Variants in HS3ST2 observed in about 807,000 individuals in gnomAD.
HS3ST2 encodes heparan sulfate glucosamine 3-O-sulfotransferase 2.
Under a neutral mutation model 26.3 loss-of-function variants are expected in HS3ST2, and 17 were observed. The ratio of observed to expected loss-of-function variants is 0.65; its 90% CI spans 0.44 to 0.97. The LOEUF is 0.97. Among genes scored for constraint, HS3ST2 ranks in the 50% least tolerant of loss-of-function variants. The probability of loss-of-function intolerance (pLI) is 0.00; values close to 1 mark genes in which losing one functional copy is unlikely to be tolerated. For missense variants in HS3ST2, 402 were observed against 501.2 expected (o/e 0.80, Z 1.89); for synonymous variants, 237 against 219.2 (o/e 1.08, Z -0.72).
chr16:22,857,344 C>A (rs1024414048), intron 1 of HS3ST2, among the ~76,000 whole-genome samples: 5 of 152,122 alleles, frequency 3.3e-5, no homozygotes, highest in African/African-American at 9.7e-5. Flanking sequence ...AAGCTAGAGG[C>A]CTTTTGATTA....
At chr16:22,907,080 C>T (rs1192039286) in intron 1 of HS3ST2, among the ~76,000 whole-genome samples, 4 of 152,040 alleles carry the variant, frequency 2.6e-5, no homozygotes, top group South Asian at 2.1e-4. Context: ...TTTGGAAATG[C>T]GAGTAGGCAT....
At chr16:22,893,460 G>T (rs1226949905) in intron 1 of HS3ST2, among the ~76,000 whole-genome samples, 2 of 152,056 alleles carry the variant, frequency 1.3e-5, no homozygotes, top group African/African-American at 4.8e-5. Flanking sequence ...AAGATTATCA[G>T]CTTTTGTCCT....
chr16:22,861,230 T>C (rs1394674774), intron 1 of HS3ST2, among the ~76,000 whole-genome samples: 4 of 152,054 alleles, frequency 2.6e-5, no homozygotes, highest in Non-Finnish European at 4.4e-5. Flanking sequence ...ATATATAACG[T>C]TCTTTTCTGG....
chr16:22,852,806 A>G (rs1443916478), intron 1 of HS3ST2, among the ~76,000 whole-genome samples: 1 of 152,204 alleles, frequency 6.6e-6, no homozygotes, highest in Non-Finnish European at 1.5e-5. Context: ...TTCACCAAGG[A>G]ACCGAATTCA....
In HS3ST2 at chr16:22,839,175, G is replaced by A. The variant is rs147824073; in HGVS notation, c.485+24080G>A. ...AGTTTCTGTGCCTAGAAAAGTGCTC[G>A]GCACATAAAAAGATTGATAAATATT... On this transcript the variant is annotated intron_variant, in intron 1 of 1. Transcript: ENST00000261374. 6.8e-4 allele frequency among the ~76,000 whole-genome samples: 104 copies of A among 152,242 alleles called. No individual in the cohort carries two copies. In the East Asian group the frequency reaches 0.018, roughly 27 times the overall value.
At chr16:22,888,283 A>G (rs1450977505) in intron 1 of HS3ST2, among the ~76,000 whole-genome samples, 3 of 151,996 alleles carry the variant, frequency 2.0e-5, no homozygotes, top group East Asian at 1.9e-4. Flanking sequence ...ATTCAAGCCT[A>G]ACTGATCTGT....
At chr16:22,883,337 G>A (rs1169749537) in intron 1 of HS3ST2, among the ~76,000 whole-genome samples, 4 of 152,226 alleles carry the variant, frequency 2.6e-5, no homozygotes, top group Admixed American at 1.3e-4. Flanking sequence ...AAAAATTGGA[G>A]AGGCCAGAAT....
At chr16:22,905,446 T>C (rs1405809109) in intron 1 of HS3ST2, among the ~76,000 whole-genome samples, 1 of 151,944 alleles carries the variant, frequency 6.6e-6, no homozygotes, top group East Asian at 1.9e-4. Flanking sequence ...TTCTCTTTTT[T>C]TGGAAGGGGC....
At chr16:22,893,663 T>A (rs959093093) in intron 1 of HS3ST2, among the ~76,000 whole-genome samples, 2 of 151,298 alleles carry the variant, frequency 1.3e-5, no homozygotes, top group African/African-American at 4.8e-5. Flanking sequence ...TTTTTTGTTT[T>A]ACTTTAAGTT....
At chr16:22,861,677 T>A (rs1423681914) in intron 1 of HS3ST2, among the ~76,000 whole-genome samples, 1 of 152,172 alleles carries the variant, frequency 6.6e-6, no homozygotes, top group Non-Finnish European at 1.5e-5. Flanking sequence ...CTAGAAGTCA[T>A]GGGTCAAGGG....
intron 1 of HS3ST2, among the ~76,000 whole-genome samples, chr16:22,890,712 A>G (rs1474743226): frequency 1.3e-5 from 2 of 152,202 alleles, no homozygotes; most frequent in African/African-American, 4.8e-5. Flanking sequence ...TAAATAGCTT[A>G]CCCGTGATTA....
chr16:22,839,613 T>A (rs1341314467), intron 1 of HS3ST2, among the ~76,000 whole-genome samples: 4 of 151,762 alleles, frequency 2.6e-5, no homozygotes, highest in African/African-American at 9.7e-5. Context: ...CAGGATATTG[T>A]ATGCTTTTTT....
intron 1 of HS3ST2, among the ~76,000 whole-genome samples, chr16:22,835,239 C>G (rs1901238537): frequency 6.6e-6 from 1 of 151,660 alleles, no homozygotes; most frequent in Admixed American, 6.6e-5. Context: ...GTGGAGCCTT[C>G]TTTATTCCCC....
At chr16:22,884,091 A>T (rs1227168158) in intron 1 of HS3ST2, among the ~76,000 whole-genome samples, 1 of 152,246 alleles carries the variant, frequency 6.6e-6, no homozygotes, top group Non-Finnish European at 1.5e-5. Flanking sequence ...GGGTCAAGAA[A>T]GGCATTGAGC....
intron 1 of HS3ST2, among the ~76,000 whole-genome samples, chr16:22,826,357 C>T (rs563716447): frequency 6.6e-6 from 1 of 152,210 alleles, no homozygotes; most frequent in South Asian, 2.1e-4. Context: ...TCAGGTCTGG[C>T]TACTTCTCAT....
chr16:22,896,999 C>T (rs1291040073), intron 1 of HS3ST2, among the ~76,000 whole-genome samples: 4 of 151,972 alleles, frequency 2.6e-5, no homozygotes, highest in Non-Finnish European at 5.9e-5. Context: ...TGTAGGGACA[C>T]GGTTTCACCA....
intron 1 of HS3ST2, among the ~76,000 whole-genome samples, chr16:22,878,703 G>A (rs1187990832): frequency 6.6e-6 from 1 of 152,192 alleles, no homozygotes. Flanking sequence ...GGGGTACCGA[G>A]GGAAGGGTGT....
At chr16:22,885,879 G>T (rs957360871) in intron 1 of HS3ST2, among the ~76,000 whole-genome samples, 2 of 152,122 alleles carry the variant, frequency 1.3e-5, no homozygotes. Flanking sequence ...AAAATGCCTG[G>T]AGTCAGAGAT....
intron 1 of HS3ST2, among the ~76,000 whole-genome samples, chr16:22,861,021 C>T (rs1901665867): frequency 6.6e-6 from 1 of 151,786 alleles, no homozygotes; most frequent in South Asian, 2.1e-4. Flanking sequence ...TACAGGCAAG[C>T]ACCCACCACA....
Sources: allele counts gnomAD v4.1 joint callset (sites outside exome capture counted in the v4.1 genomes callset), GRCh38; gene constraint gnomAD v4.1.1; transcripts MANE v1.5; gene names NCBI Gene and HGNC (gene_info 2026-07-23, HGNC 2026-07-21).